Variants in MEGF6 observed in about 807,000 individuals in gnomAD.
MEGF6 encodes the protein multiple EGF like domains 6.
In MEGF6, 184 loss-of-function variants were observed where a neutral mutation model predicts 207.1. The ratio of observed to expected loss-of-function variants is 0.89; its 90% CI spans 0.79 to 1.00. The LOEUF (loss-of-function observed/expected upper bound fraction) is 1.00. Ranked by LOEUF, MEGF6 falls within the 50% of genes least tolerant of loss-of-function variation. MEGF6 has a pLI of 0.00. For synonymous variants in MEGF6, 1,038 were observed against 910.0 expected, an observed-to-expected ratio of 1.14 and a Z score of -2.53; for missense variants, 2,282 against 2,202.9, an observed-to-expected ratio of 1.04 and a Z score of -0.72.
rs375406272 is a variant in MEGF6, at chr1:3,494,628, G to T, written c.3985C>A (p.Arg1329=). 6.4e-7 allele frequency: 1 copy of T among 1,561,300 alleles called. No individual in the cohort carries two copies. Among genetic ancestry groups the T allele is most frequent in the Non-Finnish European group, 8.7e-7 (1 of 1,154,872 alleles). The change falls in exon 31 of 37, where the codon CGG becomes AGG. Residue 1329 remains arginine, a synonymous_variant. Coordinates refer to ENST00000356575, the MANE Select transcript of MEGF6 (RefSeq NM_001409.4). The stretch of plus-strand genomic sequence containing the variant: ...GCACACTCACCCAGCTCGCAGTGCC[G>T]CCCCGTCCAGCCCAGGCCACAGGAG... ...SCSCGLGWTG[R]HCELACPPGR... is the part of the protein sequence containing the mutation.
At chr1:3,582,898 A>T (rs1213760664) in intron 3 of MEGF6, among the ~76,000 whole-genome samples, 1 of 152,184 alleles carries the variant, frequency 6.6e-6, no homozygotes, top group Non-Finnish European at 1.5e-5. Flanking sequence ...GTGACAGCTC[A>T]CTTCCCATGC....
chr1:3,549,229 G>A (rs540873787), intron 4 of MEGF6, among the ~76,000 whole-genome samples: 7 of 152,304 alleles, frequency 4.6e-5, no homozygotes, highest in African/African-American at 1.7e-4. Context: ...GACCCTTGGT[G>A]AATGCTCAAG....
chr1:3,521,776 C>G lies in MEGF6; in HGVS notation c.604+2348G>C, dbSNP rs905687447. On this transcript the variant is annotated intron_variant, in intron 5 of 36. Coordinates refer to ENST00000356575, the MANE Select transcript of MEGF6 (RefSeq NM_001409.4). ...GTGTCAGCTCCCAGGAACTCGCCAT[C>G]TGGTATCCCCCACGCACAGCTCGCA... Among the ~76,000 whole-genome samples the G allele has an allele frequency of 1.1e-4, 16 of 152,346 alleles. No individual in the cohort carries two copies. In the East Asian group the frequency reaches 1.5e-3, roughly 15 times the overall value.
Position 3,508,612 on chromosome 1 carries a change from C to T in MEGF6, c.1606G>A (p.Gly536Ser). ...TCGGGGCAATCACAGCCATCCAGGC[C>T]CAGGAGGCAGGTCCCTCCGTTCCTG... is the stretch of plus-strand genomic sequence containing the variant. The part of the protein sequence containing the change: ...DCRNGGTCLL[G>S]LDGCDCPEGW... The change falls in exon 13 of 37, where the codon GGC (glycine) becomes AGC (serine). Residue 536 changes from glycine to serine, a missense_variant. By Grantham distance (56) the Gly-to-Ser change is moderately conservative. Transcript: ENST00000356575. 6.2e-7 allele frequency: 1 copy of T among 1,613,532 alleles called. No homozygotes were observed.
intron 1 of MEGF6, among the ~76,000 whole-genome samples, chr1:3,605,749 C>T (rs1213302149): frequency 6.6e-6 from 1 of 152,050 alleles, no homozygotes; most frequent in Non-Finnish European, 1.5e-5. Context: ...CACACACACT[C>T]ACTTACACAC....
rs1394620292 is a variant in MEGF6, at chr1:3,594,572, A to G, written c.376+766T>C. 6.6e-6 allele frequency among the ~76,000 whole-genome samples: 1 copy of G among 152,178 alleles called. No individual in the cohort carries two copies. Among genetic ancestry groups the G allele is most frequent in the Non-Finnish European group, 1.5e-5 (1 of 68,034 alleles). The stretch of plus-strand genomic sequence containing the variant: ...GGCCGGCTTTATGGGACAGGGTCCC[A>G]TGACCTCTGGACTGACCCCTCCCAG... On this transcript the variant is annotated intron_variant, in intron 3 of 36. Transcript: ENST00000356575. This position sits in a 1 kb window ranked among gnomAD's most constrained non-coding sequence, Gnocchi z 4.2.
At chr1:3,510,706 A>G (rs1641309851) in intron 10 of MEGF6, 77 bp downstream of exon 10, 6 of 1,514,094 alleles carry the variant, frequency 4.0e-6, no homozygotes, top group Non-Finnish European at 5.3e-6. Context: ...GGGGTACCAG[A>G]GCCAGCCCCG....
At chr1:3,572,968 G>C (rs1190648205) in intron 4 of MEGF6, among the ~76,000 whole-genome samples, 3 of 148,574 alleles carry the variant, frequency 2.0e-5, no homozygotes, top group Admixed American at 6.7e-5. Flanking sequence ...AGTCCTTCCT[G>C]GGTGTGCTGG....
intron 2 of MEGF6, among the ~76,000 whole-genome samples, chr1:3,597,318 G>A (rs1644084358): frequency 6.6e-6 from 1 of 152,090 alleles, no homozygotes; most frequent in South Asian, 2.1e-4. Flanking sequence ...TCCTCGGGAA[G>A]CCGCCCTGAC....
At chr1:3,493,532 G>T (rs957017932) in intron 34 of MEGF6, 15 of 576,724 alleles carry the variant, frequency 2.6e-5, no homozygotes, top group Admixed American at 2.4e-4. Flanking sequence ...GCCTTCCTGG[G>T]ACGTTGTGGG....
chr1:3,597,640 CT>C (rs1644089944), intron 2 of MEGF6, among the ~76,000 whole-genome samples: 1 of 152,220 alleles, frequency 6.6e-6, no homozygotes, highest in African/African-American at 2.4e-5. Flanking sequence ...CAGGGGATGG[CT>C]GTGTGAACAG....
intron 8 of MEGF6, 29 bp from the exon 9 acceptor site, chr1:3,511,716 G>A: frequency 6.3e-7 from 1 of 1,589,622 alleles, no homozygotes; most frequent in Non-Finnish European, 8.6e-7. Context: ...CCCAGGGTAT[G>A]GGATGGCGGC....
At chr1:3,599,387 G>A (rs973939085) in intron 2 of MEGF6, among the ~76,000 whole-genome samples, 8 of 152,178 alleles carry the variant, frequency 5.3e-5, no homozygotes, top group African/African-American at 1.9e-4. Context: ...GCTGCCTCTC[G>A]CCCTCGGCTC....
At chr1:3,533,450 C>T (rs190348158) in intron 4 of MEGF6, among the ~76,000 whole-genome samples, 2 of 152,350 alleles carry the variant, frequency 1.3e-5, no homozygotes, top group Non-Finnish European at 2.9e-5. Flanking sequence ...CATTTATGAC[C>T]GTAATGTGCA....
chr1:3,501,699 G>A, intron 18 of MEGF6, 97 bp downstream of exon 18: 2 of 1,466,460 alleles, frequency 1.4e-6, no homozygotes, highest in East Asian at 2.4e-5. Flanking sequence ...AGACGGGCCT[G>A]GGATCCGCAG....
chr1:3,499,697 A>G lies in MEGF6; in HGVS notation c.2856T>C (p.Phe952=), dbSNP rs767613297. 84 of 1,603,484 alleles carry G rather than the reference A, an allele frequency of 5.2e-5. No homozygotes were observed. Among genetic ancestry groups the G allele is most frequent in the Non-Finnish European group, 6.2e-5 (73 of 1,176,274 alleles). The part of the protein sequence containing the change: ...FCEHACPAGF[F]GLDCRSACNC... ...TGCAGGCACTGCGACAGTCCAATCC[A>G]AAGAAGCCGGCCGGGCAGGCTGCAG... Residue 952 remains phenylalanine (F), a synonymous_variant, in exon 23 of 37, where the codon TTT becomes TTC. Transcript: ENST00000356575.
chr1:3,510,759 G>A, intron 10 of MEGF6, 24 bp downstream of exon 10: 11 of 1,586,304 alleles, frequency 6.9e-6, no homozygotes, highest in Non-Finnish European at 9.5e-6. Context: ...CACCCCAGCT[G>A]TGCAGTGGCA....
Position 3,560,019 on chromosome 1 carries a change from G to GAA in MEGF6, c.481+19804_481+19805dup, listed in dbSNP as rs56851590. On this transcript the variant is annotated intron_variant, in intron 4 of 36. Transcript: ENST00000356575. This position sits in a 1 kb window ranked among gnomAD's most constrained non-coding sequence, Gnocchi z 4.0. ...TATGAGAGTCCGTCTCAAAATAAAA[G>GAA]AAAAAAAAAAAAAAAAAGGAAACAC... Among the ~76,000 whole-genome samples, 92 of 97,460 alleles carry GAA rather than the reference G, an allele frequency of 9.4e-4. No homozygotes were observed. The highest frequency in any genetic ancestry group is 3.6e-3 in the Admixed American group (37 of 10,206). The allele number at this position is 97,460 out of a possible 152,430, so 63.9% of individuals were successfully genotyped here.
chr1:3,508,732 G>A, intron 12 of MEGF6, 43 bp from the exon 13 acceptor site: 1 of 1,602,324 alleles, frequency 6.2e-7, no homozygotes, highest in Non-Finnish European at 8.5e-7. Flanking sequence ...CCTGACCCCT[G>A]GCCTCAGCAG....
Sources: gnomAD v4.1 joint callset for allele counts (sites outside exome capture counted in the v4.1 genomes callset) on GRCh38, gnomAD v4.1.1 for gene constraint, Gnocchi (gnomAD v3.1) non-coding constraint, MANE v1.5 for transcripts, NCBI Gene and HGNC (gene_info 2026-07-23, HGNC 2026-07-21) for gene names.